Variants in AGPS observed in about 807,000 individuals in gnomAD.
The protein encoded by AGPS is alkylglycerone phosphate synthase.
A neutral mutation model predicts 90.7 loss-of-function variants in AGPS; 26 were observed. The ratio of observed to expected loss-of-function variants is 0.29; its 90% CI spans 0.21 to 0.40. AGPS has a LOEUF of 0.40. Ranked by LOEUF, AGPS falls within the 10% of genes least tolerant of loss-of-function variation. The pLI is 1.00. For missense variants in AGPS, 540 were observed against 816.1 expected, an observed-to-expected ratio of 0.66 and a Z score of 4.12; for synonymous variants, 294 against 285.3, an observed-to-expected ratio of 1.03 and a Z score of -0.31.
chr2:177,414,076 C>T (rs1685716032), intron 1 of AGPS, among the ~76,000 whole-genome samples: 1 of 152,140 alleles, frequency 6.6e-6, no homozygotes, highest in Non-Finnish European at 1.5e-5. Flanking sequence ...TTTCCTGTGC[C>T]TCTGTTTAGA....
At chr2:177,520,161 A>G (rs1412402626) in intron 17 of AGPS, among the ~76,000 whole-genome samples, 1 of 152,124 alleles carries the variant, frequency 6.6e-6, no homozygotes, top group Non-Finnish European at 1.5e-5. Flanking sequence ...TATGACCTGT[A>G]TCTTGTGCTG....
intron 9 of AGPS, among the ~76,000 whole-genome samples, chr2:177,463,610 TTG>T (rs1324326645): frequency 1.3e-5 from 2 of 152,192 alleles, no homozygotes; most frequent in East Asian, 3.8e-4. Context: ...TTAAAAACTT[TTG>T]TCTATATTGT....
At chr2:177,450,587 A>T (rs1451614917) in intron 8 of AGPS, among the ~76,000 whole-genome samples, 3 of 152,156 alleles carry the variant, frequency 2.0e-5, no homozygotes, top group African/African-American at 7.2e-5. Context: ...ACCATCATTT[A>T]AAAAAATCTG....
intron 8 of AGPS, among the ~76,000 whole-genome samples, chr2:177,459,735 A>G (rs1283246989): frequency 6.6e-6 from 1 of 152,256 alleles, no homozygotes; most frequent in African/African-American, 2.4e-5. Context: ...AATTAGTTCA[A>G]CCATTGTGGA....
At position 177,534,294 on chromosome 2, in the gene AGPS, G is replaced by A. The variant is rs1362536168; in HGVS notation, c.1856-3780G>A. Among the ~76,000 whole-genome samples the A allele has an allele frequency of 3.3e-5, 5 of 152,066 alleles. No homozygotes were observed. In the East Asian group the frequency reaches 7.7e-4, roughly 23 times the overall value. On this transcript the variant is annotated intron_variant, in intron 19 of 19. Coordinates refer to ENST00000264167, the MANE Select transcript of AGPS (RefSeq NM_003659.4). ...ACATGTCTGTTCATTCATTTATGCT[G>A]TTGATCATACCACAACTTCTTTCTT... is the stretch of plus-strand genomic sequence containing the variant.
chr2:177,501,593 C>A (rs1160133013), intron 14 of AGPS, among the ~76,000 whole-genome samples: 1 of 152,168 alleles, frequency 6.6e-6, no homozygotes. Context: ...TACTGTGCCA[C>A]CTGTAAAACA....
At chr2:177,450,793 T>C (rs1429941051) in intron 8 of AGPS, among the ~76,000 whole-genome samples, 1 of 151,664 alleles carries the variant, frequency 6.6e-6, no homozygotes, top group Non-Finnish European at 1.5e-5. Flanking sequence ...AAAAGTCCCA[T>C]TGGGATTTTG....
chr2:177,433,276 A>G (rs1222019729), intron 2 of AGPS, among the ~76,000 whole-genome samples: 3 of 152,262 alleles, frequency 2.0e-5, no homozygotes, highest in Non-Finnish European at 4.4e-5. Flanking sequence ...GACAATAGTT[A>G]TAGGAATAGA....
chr2:177,405,795 T>C (rs564813562), intron 1 of AGPS, among the ~76,000 whole-genome samples: 1 of 152,184 alleles, frequency 6.6e-6, no homozygotes, highest in Non-Finnish European at 1.5e-5. Flanking sequence ...TTTTCTTCCT[T>C]AATCATTTCA....
At chr2:177,471,335 A>T (rs1319182445) in intron 10 of AGPS, among the ~76,000 whole-genome samples, 1 of 152,116 alleles carries the variant, frequency 6.6e-6, no homozygotes, top group Non-Finnish European at 1.5e-5. Flanking sequence ...TATTTTCTCC[A>T]TCCGACTAAG....
At chr2:177,403,720 G>A (rs1685391109) in intron 1 of AGPS, among the ~76,000 whole-genome samples, 1 of 152,156 alleles carries the variant, frequency 6.6e-6, no homozygotes, top group South Asian at 2.1e-4. Context: ...GTGAGGTCAC[G>A]CCATAATAAT....
intron 1 of AGPS, among the ~76,000 whole-genome samples, chr2:177,409,832 C>T (rs1464013269): frequency 2.0e-5 from 3 of 152,162 alleles, no homozygotes; most frequent in Non-Finnish European, 4.4e-5. Flanking sequence ...AAGAGACAAA[C>T]TTAACAAGGA....
chr2:177,503,924 C>T (rs1365879576), intron 14 of AGPS, among the ~76,000 whole-genome samples: 2 of 152,072 alleles, frequency 1.3e-5, no homozygotes, highest in Non-Finnish European at 2.9e-5. Context: ...TCCCTACTGC[C>T]AGATATTAGA....
intron 19 of AGPS, among the ~76,000 whole-genome samples, chr2:177,529,989 T>C (rs1398205044): frequency 6.6e-6 from 1 of 152,236 alleles, no homozygotes; most frequent in Non-Finnish European, 1.5e-5. Context: ...TTACATTTAG[T>C]AAGTGCTTAA....
At chr2:177,431,942 G>A (rs1200058322) in intron 2 of AGPS, among the ~76,000 whole-genome samples, 3 of 152,216 alleles carry the variant, frequency 2.0e-5, no homozygotes, top group Non-Finnish European at 1.5e-5. Flanking sequence ...AATTATAAGA[G>A]TATTAATTTT....
intron 9 of AGPS, among the ~76,000 whole-genome samples, chr2:177,467,038 C>T (rs1468599332): frequency 4.0e-5 from 6 of 151,822 alleles, no homozygotes; most frequent in African/African-American, 1.5e-4. Context: ...GTTTCCAGCT[C>T]CCGTTGGCTC....
chr2:177,395,569 C>A (rs898520885), intron 1 of AGPS, among the ~76,000 whole-genome samples: 2 of 152,244 alleles, frequency 1.3e-5, no homozygotes, highest in Non-Finnish European at 2.9e-5. Context: ...ACCCAAGTCT[C>A]CCTTCTACTT....
intron 10 of AGPS, among the ~76,000 whole-genome samples, chr2:177,478,953 T>C (rs1687865153): frequency 1.3e-5 from 2 of 152,050 alleles, no homozygotes; most frequent in Non-Finnish European, 2.9e-5. Flanking sequence ...TTTTTGAGAA[T>C]GTCCTTGGAC....
At chr2:177,478,016 G>A (rs560640177) in intron 10 of AGPS, among the ~76,000 whole-genome samples, 19 of 152,248 alleles carry the variant, frequency 1.2e-4, no homozygotes, top group South Asian at 6.2e-4. Context: ...GTCACCTTTG[G>A]TATTTATTTT....
Sources: allele counts gnomAD v4.1 joint callset (sites outside exome capture counted in the v4.1 genomes callset), GRCh38; gene constraint gnomAD v4.1.1; transcripts MANE v1.5; gene names NCBI Gene and HGNC (gene_info 2026-07-23, HGNC 2026-07-21).